The following THEMIS variants were observed in gnomAD, a reference collection of about 807,000 sequenced individuals.
THEMIS encodes thymocyte selection associated.
In THEMIS, 37 loss-of-function variants were observed where a neutral mutation model predicts 52.6. The ratio of observed to expected loss-of-function variants is 0.70; its 90% confidence interval spans 0.54 to 0.93. THEMIS has a LOEUF of 0.93. Ranked by LOEUF, THEMIS falls within the 40% of genes least tolerant of loss-of-function variation. THEMIS has a pLI of 0.00. For missense variants in THEMIS, 808 were observed against 763.1 expected, an observed-to-expected ratio of 1.06 and a Z score of -0.69; for synonymous variants, 292 against 272.7, an observed-to-expected ratio of 1.07 and a Z score of -0.70.
chr6:127,765,594 A>G (rs1776169190), intron 4 of THEMIS, among the ~76,000 whole-genome samples: 1 of 152,132 alleles, frequency 6.6e-6, no homozygotes, highest in Non-Finnish European at 1.5e-5. Flanking sequence ...GTGCCACATT[A>G]CATTTCAGTC....
At chr6:127,869,563 T>A (rs916375319) in intron 1 of THEMIS, among the ~76,000 whole-genome samples, 1 of 152,206 alleles carries the variant, frequency 6.6e-6, no homozygotes, top group African/African-American at 2.4e-5. Context: ...GCTGTCTGTA[T>A]TTGCGGAGTT....
At position 127,813,238 on chromosome 6, in the gene THEMIS, A is replaced by G. The variant is rs1029425565; in HGVS notation, c.1403T>C (p.Ile468Thr). ...TGTGGCAGCCAACACGTCCTCTTCA[A>G]TGGAAAGATCCCTGACAGACACCTT... The part of the protein sequence containing the change: ...NVKVSVRDLS[I>T]EEDVLAATPG... The change falls in exon 4 of 6, where the codon ATT becomes ACT. Residue 468 changes from isoleucine to threonine, a missense_variant. Physicochemically the swap from Ile to Thr is moderately conservative, Grantham distance 89. Transcript: ENST00000368248. The G allele has an allele frequency of 9.9e-6, 16 of 1,613,988 alleles. No homozygotes were observed. The highest frequency in any genetic ancestry group is 5.0e-5 in the Admixed American group (3 of 59,972).
chr6:127,875,529 C>G (rs1780288620), intron 1 of THEMIS, among the ~76,000 whole-genome samples: 1 of 152,188 alleles, frequency 6.6e-6, no homozygotes, highest in African/African-American at 2.4e-5. Flanking sequence ...GTGGAACTAT[C>G]CAGTAAAACT....
intron 5 of THEMIS, among the ~76,000 whole-genome samples, chr6:127,710,784 G>A (rs1773949352): frequency 6.6e-6 from 1 of 151,896 alleles, no homozygotes; most frequent in South Asian, 2.1e-4. Context: ...ACTACAAGTG[G>A]TCAAGAGGAA....
chr6:127,744,348 GA>G, intron 4 of THEMIS, among the ~76,000 whole-genome samples: 1 of 152,096 alleles, frequency 6.6e-6, no homozygotes, highest in South Asian at 2.1e-4. Context: ...TGAAAATAAT[GA>G]GTGAAGACTA....
At chr6:127,784,691 G>GT (rs1776863385) in intron 4 of THEMIS, among the ~76,000 whole-genome samples, 1 of 152,272 alleles carries the variant, frequency 6.6e-6, no homozygotes, top group East Asian at 1.9e-4. Flanking sequence ...ACTGAGCACT[G>GT]TAATGGAACT....
chr6:127,820,482 T>C (rs1171160098), intron 3 of THEMIS, among the ~76,000 whole-genome samples: 1 of 152,110 alleles, frequency 6.6e-6, no homozygotes, highest in East Asian at 1.9e-4. Context: ...GGAGACTCAC[T>C]GAAAGAAGCA....
intron 4 of THEMIS, among the ~76,000 whole-genome samples, chr6:127,736,542 T>C (rs1469734481): frequency 3.3e-5 from 5 of 152,182 alleles, no homozygotes; most frequent in Admixed American, 3.3e-4. Context: ...AAAATTTCTA[T>C]GCAAGTATGT....
downstream of THEMIS, among the ~76,000 whole-genome samples, chr6:127,703,272 C>T (rs906930551): frequency 6.6e-6 from 1 of 151,922 alleles, no homozygotes; most frequent in African/African-American, 2.4e-5. Context: ...TGGTCTCGAT[C>T]TCCTGACCTC....
chr6:127,861,906 C>CA (rs1269711886), intron 1 of THEMIS, among the ~76,000 whole-genome samples: 16 of 150,724 alleles, frequency 1.1e-4, no homozygotes, highest in Non-Finnish European at 2.2e-4. Context: ...TGAAATTGTG[C>CA]TTATATTGTG....
At chr6:127,883,000 A>T (rs1351631378) in intron 1 of THEMIS, among the ~76,000 whole-genome samples, 1 of 151,994 alleles carries the variant, frequency 6.6e-6, no homozygotes, top group African/African-American at 2.4e-5. Flanking sequence ...ACTAAGCATC[A>T]TTATTCAACA....
chr6:127,721,672 G>A (rs1290931070), intron 4 of THEMIS, among the ~76,000 whole-genome samples: 1 of 151,912 alleles, frequency 6.6e-6, no homozygotes, highest in Non-Finnish European at 1.5e-5. Flanking sequence ...GCCCATCACT[G>A]TAATTTTTAA....
intron 4 of THEMIS, among the ~76,000 whole-genome samples, chr6:127,736,851 C>CAAAAAAAAAA (rs3057968): frequency 4.5e-4 from 47 of 104,760 alleles, no homozygotes; most frequent in Non-Finnish European, 6.4e-4. Context: ...ACCAAATGAT[C>CAAAAAAAAAA]AAAAAAAAAA....
chr6:127,770,256 G>A (rs574636188), intron 4 of THEMIS, among the ~76,000 whole-genome samples: 249 of 152,228 alleles, frequency 1.6e-3, no homozygotes, highest in Non-Finnish European at 2.8e-3. Flanking sequence ...AAAAGCATTC[G>A]TATTTCTCCA....
intron 2 of THEMIS, among the ~76,000 whole-genome samples, chr6:127,834,643 T>C (rs1778814513): frequency 6.6e-6 from 1 of 152,096 alleles, no homozygotes; most frequent in Non-Finnish European, 1.5e-5. Context: ...TAGCTATTAA[T>C]AGTTTTTCAT....
At chr6:127,830,271 C>T (rs1225575799) in intron 2 of THEMIS, among the ~76,000 whole-genome samples, 2 of 152,210 alleles carry the variant, frequency 1.3e-5, no homozygotes, top group Non-Finnish European at 1.5e-5. Flanking sequence ...TCTTACTTCT[C>T]AGTCACATTT....
intron 2 of THEMIS, among the ~76,000 whole-genome samples, chr6:127,839,053 T>C (rs1348321553): frequency 6.6e-6 from 1 of 152,128 alleles, no homozygotes; most frequent in East Asian, 1.9e-4. Context: ...TTTGCTTGAA[T>C]ATGTTCACTT....
At chr6:127,743,576 A>G (rs1439539830) in intron 4 of THEMIS, among the ~76,000 whole-genome samples, 1 of 152,132 alleles carries the variant, frequency 6.6e-6, no homozygotes, top group African/African-American at 2.4e-5. Context: ...TTTAAGAAAA[A>G]TGTACAAGTG....
chr6:127,787,803 G>GTAGGTAGATAGATAGA (rs1554224476), intron 4 of THEMIS, among the ~76,000 whole-genome samples: 2 of 137,642 alleles, frequency 1.5e-5, no homozygotes, highest in African/African-American at 2.7e-5. Flanking sequence ...ACAGTGATAG[G>GTAGGTAGATAGATAGA]TAGATAGATA....
Sources: gnomAD v4.1 joint callset for allele counts (sites outside exome capture counted in the v4.1 genomes callset) on GRCh38, gnomAD v4.1.1 for gene constraint, MANE v1.5 for transcripts, NCBI Gene and HGNC (gene_info 2026-07-23, HGNC 2026-07-21) for gene names.